Variants in LRRC7 observed in about 807,000 individuals in gnomAD.
The protein encoded by LRRC7 is leucine-rich repeat-containing protein 7.
A neutral mutation model predicts 175.7 loss-of-function variants in LRRC7; 23 were observed. That is an observed-to-expected ratio of 0.13 (90% CI 0.09 to 0.19). LRRC7 has a LOEUF of 0.19. Ranked by LOEUF, LRRC7 falls within the 10% of genes least tolerant of loss-of-function variation. LRRC7 has a pLI of 1.00. For missense variants in LRRC7, 1,354 were observed against 1,904.7 expected (o/e 0.71, Z 5.38); for synonymous variants, 685 against 680.9 (o/e 1.01, Z -0.09).
intron 25 of LRRC7, among the ~76,000 whole-genome samples, chr1:70,104,000 G>A (rs866277228): frequency 1.3e-5 from 2 of 152,080 alleles, no homozygotes; most frequent in East Asian, 1.9e-4. Flanking sequence ...TTAGCATTCT[G>A]CCAAATGTTA....
chr1:69,776,757 G>A (rs1312584804), intron 3 of LRRC7, among the ~76,000 whole-genome samples: 1 of 151,582 alleles, frequency 6.6e-6, no homozygotes, highest in African/African-American at 2.4e-5. Flanking sequence ...GATATTTACT[G>A]CTTCTTGCTT....
chr1:69,606,386 A>G (rs1360627366), intron 1 of LRRC7, among the ~76,000 whole-genome samples: 1 of 152,120 alleles, frequency 6.6e-6, no homozygotes, highest in Non-Finnish European at 1.5e-5. Flanking sequence ...CTAAATGTCA[A>G]GGATTTACTT....
intron 14 of LRRC7, 83 bp downstream of exon 14, chr1:70,016,617 C>A (rs1656985873): frequency 2.0e-6 from 2 of 994,216 alleles, no homozygotes; most frequent in African/African-American, 1.7e-5. Flanking sequence ...CCAATAGATA[C>A]CTTTGACAGC....
At chr1:69,870,539 TC>T (rs1685423757) in intron 7 of LRRC7, among the ~76,000 whole-genome samples, 9 of 151,934 alleles carry the variant, frequency 5.9e-5, no homozygotes, top group Admixed American at 4.6e-4. Flanking sequence ...CTCCCAACAA[TC>T]CCCTCCATAT....
chr1:69,745,233 A>ATT (rs1669129375), intron 2 of LRRC7, among the ~76,000 whole-genome samples: 1 of 151,998 alleles, frequency 6.6e-6, no homozygotes, highest in South Asian at 2.1e-4. Context: ...CAACAAACTA[A>ATT]TATTATAAGC....
At chr1:70,074,357 A>G (rs1462978740) in intron 23 of LRRC7, among the ~76,000 whole-genome samples, 1 of 152,224 alleles carries the variant, frequency 6.6e-6, no homozygotes, top group Non-Finnish European at 1.5e-5. Context: ...AATTTGCAAT[A>G]AGGAAAAACT....
chr1:69,889,116 T>G (rs1645752788), intron 7 of LRRC7, among the ~76,000 whole-genome samples: 1 of 152,214 alleles, frequency 6.6e-6, no homozygotes, highest in Non-Finnish European at 1.5e-5. Context: ...TCTAACAATC[T>G]TCTGATGCTT....
chr1:69,613,511 T>G (rs1649132800), intron 1 of LRRC7, among the ~76,000 whole-genome samples: 1 of 152,024 alleles, frequency 6.6e-6, no homozygotes, highest in Admixed American at 6.6e-5. Context: ...GCCTCTCAAA[T>G]GATACCGCTG....
At chr1:69,800,096 ATCTGCATTGATTT>A (rs1249262800) in intron 4 of LRRC7, among the ~76,000 whole-genome samples, 1 of 151,922 alleles carries the variant, frequency 6.6e-6, no homozygotes. Flanking sequence ...TTCCATTGAT[ATCTGCATTGATTT>A]TTATACAAGT....
chr1:70,078,832 A>G (rs555951748), intron 24 of LRRC7, among the ~76,000 whole-genome samples: 1,772 of 151,588 alleles, frequency 0.012, 37 homozygotes, highest in African/African-American at 0.038. Flanking sequence ...ACGCACACAC[A>G]CACACACACA....
intron 7 of LRRC7, among the ~76,000 whole-genome samples, chr1:69,854,262 C>T (rs1050658735): frequency 2.0e-5 from 3 of 152,142 alleles, no homozygotes; most frequent in Non-Finnish European, 4.4e-5. Flanking sequence ...CTTTGGGAGG[C>T]TGAGGTGGGA....
At chr1:69,977,505 G>T (rs1056921072) in intron 8 of LRRC7, among the ~76,000 whole-genome samples, 7 of 152,166 alleles carry the variant, frequency 4.6e-5, no homozygotes, top group African/African-American at 1.7e-4. Context: ...TAGAAGTGCT[G>T]TGTATCCATT....
chr1:69,603,542 T>G (rs1207444598), intron 1 of LRRC7, among the ~76,000 whole-genome samples: 6 of 152,196 alleles, frequency 3.9e-5, no homozygotes, highest in Non-Finnish European at 7.4e-5. Context: ...TAACTTGTAT[T>G]ACTGAAGTAG....
chr1:69,723,616 G>C (rs989072096), intron 2 of LRRC7, among the ~76,000 whole-genome samples: 2 of 152,048 alleles, frequency 1.3e-5, no homozygotes, highest in African/African-American at 2.4e-5. Context: ...TTTTTTACAA[G>C]TTACAGTGGT....
intron 1 of LRRC7, among the ~76,000 whole-genome samples, chr1:69,667,798 T>G (rs1460446510): frequency 6.6e-6 from 1 of 152,214 alleles, no homozygotes; most frequent in African/African-American, 2.4e-5. Context: ...AGTCTATTTA[T>G]ATTCAATGTT....
intron 23 of LRRC7, among the ~76,000 whole-genome samples, chr1:70,055,500 A>C (rs1661078791): frequency 6.6e-6 from 1 of 152,176 alleles, no homozygotes; most frequent in African/African-American, 2.4e-5. Flanking sequence ...GTATTAGTCC[A>C]TTCTCACATT....
At chr1:69,706,205 G>T (rs950205388) in intron 2 of LRRC7, among the ~76,000 whole-genome samples, 2 of 151,992 alleles carry the variant, frequency 1.3e-5, no homozygotes, top group Admixed American at 6.6e-5. Flanking sequence ...TTGTTCTTTT[G>T]TTTCCAGCTT....
chr1:69,769,880 GT>G (rs202121291), intron 3 of LRRC7, among the ~76,000 whole-genome samples: 7 of 151,464 alleles, frequency 4.6e-5, no homozygotes, highest in East Asian at 1.9e-4. Context: ...GTGTCAGTTA[GT>G]TTTTTTTTAT....
At chr1:69,591,111 C>T (rs1278676723) in intron 1 of LRRC7, among the ~76,000 whole-genome samples, 3 of 152,048 alleles carry the variant, frequency 2.0e-5, no homozygotes, top group Admixed American at 6.6e-5. Context: ...CCTATTAAAA[C>T]ATTGATCATT....
Sources: allele counts gnomAD v4.1 joint callset (sites outside exome capture counted in the v4.1 genomes callset), GRCh38; gene constraint gnomAD v4.1.1; transcripts MANE v1.5; gene names NCBI Gene and HGNC (gene_info 2026-07-23, HGNC 2026-07-21).